Variants in ANXA6 observed in about 807,000 individuals in gnomAD.
ANXA6 encodes the protein 67 kDa calelectrin.
ANXA6 carries 71 observed loss-of-function variants against 95.4 expected under a neutral mutation model. That is an observed-to-expected ratio of 0.74 (90% CI 0.61 to 0.91). The LOEUF is 0.91. Ranked by LOEUF, ANXA6 falls within the 40% of genes least tolerant of loss-of-function variation. The pLI, the probability that ANXA6 is intolerant of heterozygous loss-of-function variation, is 0.00. For synonymous variants in ANXA6, 289 were observed against 315.9 expected (o/e 0.91, Z 0.90); for missense variants, 830 against 876.4 (o/e 0.95, Z 0.67).
intron 23 of ANXA6, among the ~76,000 whole-genome samples, chr5:151,106,003 G>C (rs1764686143): frequency 1.3e-5 from 2 of 152,162 alleles, no homozygotes; most frequent in African/African-American, 4.8e-5. Context: ...CCCTACTCTG[G>C]TGCAGCCTAA....
At chr5:151,140,031 C>T in intron 3 of ANXA6, 122 bp downstream of exon 3, 1 of 679,860 alleles carries the variant, frequency 1.5e-6, no homozygotes, top group South Asian at 2.9e-5. Context: ...AAAGAGGAGA[C>T]CAAAAAAATG....
At chr5:151,141,397 T>C (rs1765832139) in intron 2 of ANXA6, 2 of 595,338 alleles carry the variant, frequency 3.4e-6, no homozygotes, top group African/African-American at 4.0e-5. Flanking sequence ...GCACATCAAT[T>C]ACTATAAAGC....
At chr5:151,136,390 G>C in intron 6 of ANXA6, 55 bp from the exon 7 acceptor site, 3 of 1,531,882 alleles carry the variant, frequency 2.0e-6, no homozygotes, top group Non-Finnish European at 2.7e-6. Context: ...AGGGATCTAG[G>C]ATAAAGGGCC....
intron 4 of ANXA6, chr5:151,139,042 C>T (rs1765750665): frequency 1.7e-6 from 1 of 594,084 alleles, no homozygotes; most frequent in Non-Finnish European, 3.0e-6. Flanking sequence ...TGCCACTTCC[C>T]CACCACTGTC....
Position 151,100,985 on chromosome 5 carries a change from A to G in ANXA6, c.*463T>C, listed in dbSNP as rs1364945045. ...GGCCTGGATGGAGATGGGTGGTGAAATGGATGGGAAGATTTGTCAGTTTGC... is the reference window on the plus strand; with the variant it reads ...GGCCTGGATGGAGATGGGTGGTGAAGTGGATGGGAAGATTTGTCAGTTTGC... On this transcript the variant is annotated 3_prime_UTR_variant, in exon 26 of 26. Coordinates refer to ENST00000354546, the MANE Select transcript of ANXA6 (RefSeq NM_001155.5). 3 of 457,852 alleles carry G rather than the reference A, an allele frequency of 6.6e-6. No individual in the cohort carries two copies. The highest frequency in any genetic ancestry group is 6.0e-5 in the African/African-American group (3 of 50,128). The allele number at this position is 457,852 out of a possible 1,614,324, so 28.4% of individuals were successfully genotyped here.
intron 20 of ANXA6, among the ~76,000 whole-genome samples, chr5:151,111,874 C>A (rs1478920302): frequency 6.6e-6 from 1 of 151,182 alleles, no homozygotes; most frequent in African/African-American, 2.4e-5. Context: ...CTGCAACCTC[C>A]ACCTCCCAGG....
rs1765385642 is a variant in ANXA6 at position 151,128,258 on chromosome 5, A to C, written c.919-19T>G. ...TGTCATTCTGAAGAGAAAGAAAGAAAGGTTACCTCTCACCCAGCCCTGGGC... is the reference window on the plus strand; with the variant it reads ...TGTCATTCTGAAGAGAAAGAAAGAACGGTTACCTCTCACCCAGCCCTGGGC... On this transcript the variant is annotated intron_variant, in intron 12 of 25. Transcript: ENST00000354546. 6.2e-7 allele frequency: 1 copy of C among 1,600,712 alleles called. No individual in the cohort carries two copies. Among genetic ancestry groups the C allele is most frequent in the African/African-American group, 1.3e-5 (1 of 74,678 alleles).
intron 1 of ANXA6, among the ~76,000 whole-genome samples, chr5:151,149,360 G>A (rs1009443073): frequency 2.0e-5 from 3 of 152,122 alleles, no homozygotes; most frequent in Non-Finnish European, 4.4e-5. Flanking sequence ...GGAAGTATAA[G>A]AGAAGCAGGT....
intron 2 of ANXA6, among the ~76,000 whole-genome samples, chr5:151,142,215 C>T (rs1765857890): frequency 1.3e-5 from 2 of 152,250 alleles, no homozygotes; most frequent in South Asian, 4.1e-4. Context: ...CACAGTGGCT[C>T]ATGCCTGTAA....
rs1766043024 is a variant in ANXA6, at chr5:151,149,121, C to T, written c.-25-1195G>A. ...GCTTGAACTCAGGAGGTGGAGGCTGCAGTGAGCCAAGGTTGCACCACTGCA... is the reference window on the plus strand; with the variant it reads ...GCTTGAACTCAGGAGGTGGAGGCTGTAGTGAGCCAAGGTTGCACCACTGCA... On this transcript the variant is annotated intron_variant, in intron 1 of 25. Coordinates refer to ENST00000354546, the MANE Select transcript of ANXA6 (RefSeq NM_001155.5). Among the ~76,000 whole-genome samples the T allele has an allele frequency of 3.6e-5, 5 of 137,320 alleles. No homozygotes were observed. The South Asian group carries it at 1.1e-3, about 31-fold the overall frequency. The allele number at this position is 137,320 out of a possible 152,430, so 90.1% of individuals were successfully genotyped here.
At chr5:151,107,796 C>A (rs1480020191) in intron 23 of ANXA6, among the ~76,000 whole-genome samples, 1 of 152,150 alleles carries the variant, frequency 6.6e-6, no homozygotes, top group Non-Finnish European at 1.5e-5. Context: ...AAGTCAAGAG[C>A]TCAAATTATA....
rs971465059 is a variant in ANXA6, at chr5:151,101,487, G to A, written c.1983C>T (p.Phe661=). The change falls in exon 26 of 26, where the codon TTC becomes TTT. Residue 661 remains phenylalanine (F), a synonymous_variant. Coordinates refer to ENST00000354546, the MANE Select transcript of ANXA6 (RefSeq NM_001155.5). The stretch of plus-strand genomic sequence containing the variant: ...CACAGAGAGCCAGCAAGGCCTTCAG[G>A]AAGTCTCCGGAGGTGTCACCCTGGC... The part of the protein sequence containing the change: ...QAIEGDTSGD[F]LKALLALCGG... The A allele has an allele frequency of 6.4e-7, 1 of 1,561,126 alleles. No homozygotes were observed. The highest frequency in any genetic ancestry group is 1.4e-5 in the African/African-American group (1 of 73,434).
At chr5:151,123,830 A>G (rs1437810291) in intron 15 of ANXA6, among the ~76,000 whole-genome samples, 1 of 151,756 alleles carries the variant, frequency 6.6e-6, no homozygotes, top group Non-Finnish European at 1.5e-5. Flanking sequence ...TGCCAAATAT[A>G]GGTCTGAAAG....
Position 151,135,626 on chromosome 5 carries a change from G to A in ANXA6, c.489+630C>T, listed in dbSNP as rs75064256. ...ACAGAGCCAGGTAGATAACATTCAC[G>A]GTGAAACGGGCAGGACGCATATGCT... On this transcript the variant is annotated intron_variant, in intron 7 of 25. Transcript: ENST00000354546. 8.0e-3 allele frequency among the ~76,000 whole-genome samples: 1,219 copies of A among 152,298 alleles called. 64 individuals carry two copies. In the East Asian group the frequency reaches 0.13, roughly 16 times the overall value.
At position 151,100,902 on chromosome 5, in the gene ANXA6, C is replaced by T. The variant is rs558497301; in HGVS notation, c.*546G>A. On this transcript the variant is annotated 3_prime_UTR_variant, in exon 26 of 26. Coordinates refer to ENST00000354546, the MANE Select transcript of ANXA6 (RefSeq NM_001155.5). ...GCTGGCCTAAGGTCAGAAACAAGTG[C>T]ATGGCAGATGCAGATTTGAACCCAG... The T allele has an allele frequency of 2.2e-5, 10 of 456,372 alleles. No homozygotes were observed. Among genetic ancestry groups the T allele is most frequent in the Admixed American group, 2.1e-4 (9 of 42,574 alleles). 28.3% of individuals were successfully genotyped at this position (456,372 alleles called of 1,614,324 possible). A position where few individuals can be genotyped will look rare whatever the true frequency, so the allele number is the denominator to read the frequency against.
chr5:151,124,202 A>G, intron 15 of ANXA6, 84 bp downstream of exon 15: 1 of 1,173,458 alleles, frequency 8.5e-7, no homozygotes, highest in Non-Finnish European at 1.2e-6. Context: ...TTGAAACCTC[A>G]CTCCATCCCC....
In ANXA6 at chr5:151,132,515, C is replaced by T; in HGVS notation, c.697G>A (p.Glu233Lys). ...AGCTTCTCAAAGTCCCCAGACAGCT[C>T]CCCTCGGATGCTGGCTTCAATCGGC... The part of the protein sequence containing the change: ...GKPIEASIRG[E>K]LSGDFEKLML... The change falls in exon 10 of 26, where the codon GAG (glutamate) becomes AAG (lysine). Residue 233 changes from glutamate to lysine, a missense_variant. Coordinates refer to ENST00000354546, the MANE Select transcript of ANXA6 (RefSeq NM_001155.5). 1 of 1,613,484 alleles carries T rather than the reference C, an allele frequency of 6.2e-7. No homozygotes were observed. Among genetic ancestry groups the T allele is most frequent in the East Asian group, 2.2e-5 (1 of 44,866 alleles).
chr5:151,103,446 A>G, intron 25 of ANXA6, 124 bp downstream of exon 25: 1 of 861,118 alleles, frequency 1.2e-6, no homozygotes, highest in Admixed American at 3.4e-5. Flanking sequence ...CTTTCATTTC[A>G]ATATCCTGGC....
intron 7 of ANXA6, among the ~76,000 whole-genome samples, chr5:151,135,741 C>G (rs543397908): frequency 6.6e-6 from 1 of 152,344 alleles, no homozygotes; most frequent in South Asian, 2.1e-4. Context: ...GGTTTTTGAG[C>G]AAAATCTCAC....
Sources: gnomAD v4.1 joint callset for allele counts (sites outside exome capture counted in the v4.1 genomes callset) on GRCh38, gnomAD v4.1.1 for gene constraint, MANE v1.5 for transcripts, NCBI Gene and HGNC (gene_info 2026-07-23, HGNC 2026-07-21) for gene names.